Variants in FAM53A observed in about 807,000 individuals in gnomAD.
The protein encoded by FAM53A is family with sequence similarity 53 member A, also known as protein FAM53A.
FAM53A carries 28 observed loss-of-function variants against 26.6 expected under a neutral mutation model. The ratio of observed to expected loss-of-function variants is 1.05; its 90% CI spans 0.78 to 1.45. The LOEUF is 1.45. Ranked by LOEUF, FAM53A falls within the 40% of genes most tolerant of loss-of-function variation. The pLI is 0.00. For missense variants in FAM53A, 650 were observed against 575.8 expected, an observed-to-expected ratio of 1.13 and a Z score of -1.32; for synonymous variants, 290 against 253.1, an observed-to-expected ratio of 1.15 and a Z score of -1.38.
downstream of FAM53A, among the ~76,000 whole-genome samples, chr4:1,614,283 G>C (rs566916204): frequency 6.6e-6 from 1 of 152,242 alleles, no homozygotes; most frequent in East Asian, 1.9e-4. Context: ...CACAGCCAAA[G>C]TCACGGGGCC....
rs977641260 is a variant in FAM53A at position 1,659,972 on chromosome 4, T to C, written c.76-2504A>G. Among the ~76,000 whole-genome samples, 6 of 152,142 alleles carry C rather than the reference T, an allele frequency of 3.9e-5. No individual in the cohort carries two copies. Among genetic ancestry groups the C allele is most frequent in the Non-Finnish European group, 8.8e-5 (6 of 68,032 alleles). Reference sequence around the variant, plus strand: ...ACTTCAACATATGGGTTTCGGGGAATGTGAACATGCAACCCTTAAGCCTAA... The same window carrying C: ...ACTTCAACATATGGGTTTCGGGGAACGTGAACATGCAACCCTTAAGCCTAA... On this transcript the variant is annotated intron_variant, in intron 2 of 4. Coordinates refer to ENST00000308132, the MANE Select transcript of FAM53A (RefSeq NM_001174070.3). This position sits in a 1 kb window ranked among gnomAD's most constrained non-coding sequence, Gnocchi z 5.2.
At chr4:1,653,287 G>A (rs1713042419) in intron 4 of FAM53A, among the ~76,000 whole-genome samples, 2 of 152,102 alleles carry the variant, frequency 1.3e-5, no homozygotes, top group African/African-American at 4.8e-5. Flanking sequence ...CTCTACCGGG[G>A]GTACCCCATG....
At position 1,659,071 on chromosome 4, in the gene FAM53A, T is replaced by G. The variant is rs1364408760; in HGVS notation, c.76-1603A>C. Among the ~76,000 whole-genome samples the G allele has an allele frequency of 1.3e-5, 2 of 152,178 alleles. No individual in the cohort carries two copies. Among genetic ancestry groups the G allele is most frequent in the African/African-American group, 4.8e-5 (2 of 41,456 alleles). The stretch of plus-strand genomic sequence containing the variant: ...ACTGCTTCCTGTAAAGGGAATAAGT[T>G]AAAAGTTGGGTTTGTGACCCCGAAA... On this transcript the variant is annotated intron_variant, in intron 2 of 4. Transcript: ENST00000308132. This position sits in a 1 kb window ranked among gnomAD's most constrained non-coding sequence, Gnocchi z 5.2.
At chr4:1,668,633 G>C (rs764602366) in intron 2 of FAM53A, 34 bp downstream of exon 2, 1 of 1,612,794 alleles carries the variant, frequency 6.2e-7, no homozygotes. Context: ...ACGGGGGAGG[G>C]GCACCCAGCC....
Position 1,668,879 on chromosome 4 carries a change from C to G in FAM53A, c.-138G>C. On this transcript the variant is annotated 5_prime_UTR_variant, in exon 2 of 5. Transcript: ENST00000308132. ...ACTTTCTTTACAGATGAGCAGTCCA[C>G]GCCCACGGGCTCTTCAGGATTTGTG... 1 of 662,908 alleles carries G rather than the reference C, an allele frequency of 1.5e-6. No homozygotes were observed. Among genetic ancestry groups the G allele is most frequent in the South Asian group, 2.0e-5 (1 of 49,412 alleles). 41.1% of individuals were successfully genotyped at this position (662,908 alleles called of 1,614,324 possible).
At chr4:1,632,669 G>A (rs570255992) in intron 1 of FAM53A, among the ~76,000 whole-genome samples, 9 of 152,248 alleles carry the variant, frequency 5.9e-5, no homozygotes, top group South Asian at 2.1e-4. Flanking sequence ...CTCAGCAGCC[G>A]TCTGAAGCCA....
chr4:1,593,945 G>A, the FAM53A span, among the ~76,000 whole-genome samples: 1 of 152,234 alleles, frequency 6.6e-6, no homozygotes, highest in Non-Finnish European at 1.5e-5. Context: ...GGCAAAGTCT[G>A]TGACACCAAC....
the FAM53A span, among the ~76,000 whole-genome samples, chr4:1,592,214 A>C: frequency 1.3e-5 from 2 of 152,154 alleles, no homozygotes; most frequent in Non-Finnish European, 2.9e-5. Context: ...CAGGGAAAAA[A>C]AAATGCCACG....
chr4:1,587,892 TTTA>T, the FAM53A span, among the ~76,000 whole-genome samples: 1 of 152,216 alleles, frequency 6.6e-6, no homozygotes, highest in African/African-American at 2.4e-5. Context: ...TGTATTTTAA[TTTA>T]TATTTAATAT....
chr4:1,591,750 A>G, the FAM53A span, among the ~76,000 whole-genome samples: 57 of 152,228 alleles, frequency 3.7e-4, no homozygotes, highest in Non-Finnish European at 7.8e-4. Context: ...TGACCCAGAG[A>G]GGGATCTTAG....
At chr4:1,684,519 TG>T (rs1449461257), upstream of FAM53A, among the ~76,000 whole-genome samples, 1 of 149,950 alleles carries the variant, frequency 6.7e-6, no homozygotes, top group African/African-American at 2.4e-5. Context: ...TGCGAGGGTC[TG>T]GCCCCGCCCC....
the FAM53A span, among the ~76,000 whole-genome samples, chr4:1,591,363 G>T: frequency 1.4e-4 from 21 of 152,180 alleles, no homozygotes; most frequent in African/African-American, 5.1e-4. Context: ...ACACACTGTG[G>T]ACTCTGCACT....
the FAM53A span, among the ~76,000 whole-genome samples, chr4:1,610,496 T>C: frequency 2.6e-5 from 4 of 152,098 alleles, no homozygotes; most frequent in African/African-American, 4.8e-5. Flanking sequence ...GCAGGGCCCC[T>C]GTTTTCGGGG....
downstream of FAM53A, among the ~76,000 whole-genome samples, chr4:1,636,526 C>G (rs376139594): frequency 9.9e-5 from 15 of 152,226 alleles, no homozygotes; most frequent in African/African-American, 3.6e-4. Flanking sequence ...TCCCGCTGTA[C>G]GTGGACTCAC....
chr4:1,581,636 G>A, the FAM53A span, among the ~76,000 whole-genome samples: 8 of 152,104 alleles, frequency 5.3e-5, no homozygotes, highest in African/African-American at 1.7e-4. Context: ...TGCTCTTGTC[G>A]CCCAGGCTGG....
chr4:1,600,784 G>T, the FAM53A span, among the ~76,000 whole-genome samples: 1 of 152,222 alleles, frequency 6.6e-6, no homozygotes, highest in African/African-American at 2.4e-5. Flanking sequence ...AGCCTCCCCG[G>T]CTCAGGCAAT....
At chr4:1,683,332 G>C (rs988208146) in intron 1 of FAM53A, 1 of 152,304 alleles carries the variant, frequency 6.6e-6, no homozygotes, top group African/African-American at 2.4e-5. Flanking sequence ...GGCGACAGGA[G>C]GGTGTTTAAA....
chr4:1,598,499 T>C, the FAM53A span, among the ~76,000 whole-genome samples: 11 of 152,242 alleles, frequency 7.2e-5, no homozygotes, highest in Non-Finnish European at 1.3e-4. Flanking sequence ...GACAGCCACG[T>C]TGGCACTCCC....
rs373895951 is a variant in FAM53A at position 1,623,599 on chromosome 4, G to A, written c.432-5488C>T. Among the ~76,000 whole-genome samples, 25 of 152,328 alleles carry A rather than the reference G, an allele frequency of 1.6e-4. No individual in the cohort carries two copies. In the East Asian group the frequency reaches 4.5e-3, roughly 27 times the overall value. Reference sequence around the variant, plus strand: ...GGTGGCGGCTGCACGGTGACCTTGCGGTAACCCAAGTGCCATCCGTCAGCA... The same window carrying A: ...GGTGGCGGCTGCACGGTGACCTTGCAGTAACCCAAGTGCCATCCGTCAGCA... On this transcript the variant is annotated intron_variant, in intron 1 of 1. Transcript: ENST00000489029.
Sources: allele counts gnomAD v4.1 joint callset (sites outside exome capture counted in the v4.1 genomes callset), GRCh38; gene constraint gnomAD v4.1.1; non-coding constraint Gnocchi (gnomAD v3.1); transcripts MANE v1.5; gene names NCBI Gene and HGNC (gene_info 2026-07-23, HGNC 2026-07-21).